The following SMCO2 variants were observed in gnomAD, a reference collection of about 807,000 sequenced individuals.
The protein encoded by SMCO2 is single-pass membrane protein with coiled-coil domains 2.
SMCO2 carries 25 observed loss-of-function variants against 29.5 expected under a neutral mutation model. The ratio of observed to expected loss-of-function variants is 0.85; its 90% CI spans 0.62 to 1.18. The LOEUF (loss-of-function observed/expected upper bound fraction) is 1.18, where lower values mean the gene tolerates loss of function less well. Ranked by LOEUF, SMCO2 falls within the 50% of genes most tolerant of loss-of-function variation. The pLI is 0.00. For missense variants in SMCO2, 348 were observed against 344.5 expected (o/e 1.01, Z -0.08); for synonymous variants, 117 against 123.3 (o/e 0.95, Z 0.34).
chr12:27,436,703 G>C, the SMCO2 span, among the ~76,000 whole-genome samples: 1 of 152,182 alleles, frequency 6.6e-6, no homozygotes, highest in Non-Finnish European at 1.5e-5. Flanking sequence ...GACCCAGATG[G>C]ATCAAGTAAA....
chr12:27,502,134 T>C, exon 8 of SMCO2: 1 of 1,499,442 alleles, frequency 6.7e-7, no homozygotes, highest in Non-Finnish European at 8.9e-7. Context: ...ATACAGAAGT[T>C]ACTGTCACCC....
chr12:27,494,843 G>T (rs1167634451), intron 6 of SMCO2, among the ~76,000 whole-genome samples: 2 of 151,652 alleles, frequency 1.3e-5, no homozygotes, highest in Non-Finnish European at 2.9e-5. Flanking sequence ...CTTCTGCTTG[G>T]GCCAACAGAA....
At chr12:27,494,133 C>A (rs1398812935) in intron 5 of SMCO2, 167 bp from the exon 7 acceptor site, 19 of 446,946 alleles carry the variant, frequency 4.3e-5, no homozygotes, top group Non-Finnish European at 7.3e-5. Context: ...TTACAGTCTG[C>A]AATTTATGAT....
chr12:27,482,286 T>C (rs1949651645), intron 4 of SMCO2, among the ~76,000 whole-genome samples: 1 of 152,182 alleles, frequency 6.6e-6, no homozygotes, highest in East Asian at 1.9e-4. Context: ...TTTATATCTG[T>C]AAATATATTT....
chr12:27,458,468 A>G, the SMCO2 span, among the ~76,000 whole-genome samples: 5 of 152,250 alleles, frequency 3.3e-5, no homozygotes, highest in African/African-American at 1.2e-4. Context: ...GGGTAAATAA[A>G]GGTTTTTTAA....
chr12:27,426,709 A>G, the SMCO2 span, among the ~76,000 whole-genome samples: 12 of 152,342 alleles, frequency 7.9e-5, no homozygotes, highest in Admixed American at 6.5e-4. Context: ...GCAAACAAAT[A>G]TATAAGTAGT....
chr12:27,437,789 T>C, the SMCO2 span, among the ~76,000 whole-genome samples: 3 of 152,202 alleles, frequency 2.0e-5, no homozygotes, highest in Non-Finnish European at 2.9e-5. Context: ...AGAGAGCTCC[T>C]TTTGTCCAAA....
chr12:27,496,012 A>C (rs1030701694), intron 7 of SMCO2, among the ~76,000 whole-genome samples, 157 bp downstream of exon 8: 2 of 150,234 alleles, frequency 1.3e-5, no homozygotes, highest in African/African-American at 5.0e-5. Context: ...AGTTCATTGG[A>C]GTCATGGGAT....
At chr12:27,426,302 C>G in the SMCO2 span, among the ~76,000 whole-genome samples, 1 of 152,130 alleles carries the variant, frequency 6.6e-6, no homozygotes, top group South Asian at 2.1e-4. Context: ...GTCTGGATTG[C>G]AGTGCTGTTC....
chr12:27,495,570 T>C, intron 6 of SMCO2, 110 bp from the exon 8 acceptor site: 2 of 1,047,170 alleles, frequency 1.9e-6, no homozygotes, highest in South Asian at 3.0e-5. Flanking sequence ...GTGTGATTTC[T>C]AATGTGGGCC....
At chr12:27,480,357 T>A (rs113042555) in intron 4 of SMCO2, among the ~76,000 whole-genome samples, 3,691 of 152,196 alleles carry the variant, frequency 0.024, 151 homozygotes, top group African/African-American at 0.085. Flanking sequence ...CCAGGAACAA[T>A]GGCTCCTCAG....
At chr12:27,470,762 A>C in exon 2 of SMCO2, 2 of 1,550,564 alleles carry the variant, frequency 1.3e-6, no homozygotes. Context: ...GGTGCAATGC[A>C]GGAGTAAGTC....
the SMCO2 span, chr12:27,424,543 T>C: frequency 4.6e-5 from 7 of 152,334 alleles, no homozygotes; most frequent in East Asian, 1.3e-3. Context: ...CAGAAAAGGA[T>C]GTCTTTGTTG....
At position 27,474,822 on chromosome 12, in the gene SMCO2, C is replaced by T. The variant is rs140574119; in HGVS notation, c.271C>T (p.Leu91=). The change falls in exon 4 of 8, where the codon CTG becomes TTG. Residue 91 remains leucine, a synonymous_variant. Transcript: ENST00000298876. Reference sequence around the variant, plus strand: ...GCTAGAGGCTGAGCATGACCAGGACCTGAGTAAACAGGATAAGCAAGAAAC... The same window carrying T: ...GCTAGAGGCTGAGCATGACCAGGACTTGAGTAAACAGGATAAGCAAGAAAC... 761 of 1,551,700 alleles carry T rather than the reference C, an allele frequency of 4.9e-4. 1 individual carries two copies. The African/African-American group carries it at 9.2e-3, about 19-fold the overall frequency.
intron 6 of SMCO2, 27 bp downstream of exon 7, chr12:27,494,383 CAATGATAA>C (rs1462547849): frequency 6.8e-7 from 1 of 1,480,756 alleles, no homozygotes; most frequent in Non-Finnish European, 9.1e-7. Flanking sequence ...ACAATTCAAA[CAATGATAA>C]AATCAGATAA....
chr12:27,488,023 C>T (rs529161479), intron 4 of SMCO2, among the ~76,000 whole-genome samples: 3 of 151,892 alleles, frequency 2.0e-5, no homozygotes, highest in Admixed American at 6.6e-5. Flanking sequence ...TATTTTTCCC[C>T]GTGTGTAATT....
the SMCO2 span, among the ~76,000 whole-genome samples, chr12:27,427,734 T>C: frequency 6.6e-6 from 1 of 152,154 alleles, no homozygotes; most frequent in Non-Finnish European, 1.5e-5. Context: ...GTGTAGGTAC[T>C]GCAACCACAC....
intron 7 of SMCO2, among the ~76,000 whole-genome samples, chr12:27,499,938 T>A (rs1224835813): frequency 6.6e-6 from 1 of 150,500 alleles, no homozygotes; most frequent in Non-Finnish European, 1.5e-5. Context: ...GGTCATCCCC[T>A]ATGTACTGAC....
chr12:27,426,676 T>TAA, the SMCO2 span, among the ~76,000 whole-genome samples: 1 of 152,164 alleles, frequency 6.6e-6, no homozygotes, highest in African/African-American at 2.4e-5. Flanking sequence ...ATTAAGTTAG[T>TAA]AAAAAATTCC....
Sources: gnomAD v4.1 joint callset for allele counts (sites outside exome capture counted in the v4.1 genomes callset) on GRCh38, gnomAD v4.1.1 for gene constraint, MANE v1.5 for transcripts, NCBI Gene and HGNC (gene_info 2026-07-23, HGNC 2026-07-21) for gene names.